The following CPT1A variants were observed in gnomAD, a reference collection of about 807,000 sequenced individuals.
CPT1A encodes carnitine palmitoyltransferase 1A.
CPT1A carries 64 observed loss-of-function variants against 100.8 expected under a neutral mutation model. The ratio of observed to expected loss-of-function variants is 0.63; its 90% CI spans 0.52 to 0.78. The LOEUF is 0.78. Ranked by LOEUF, CPT1A falls within the 30% of genes least tolerant of loss-of-function variation. The probability of loss-of-function intolerance (pLI) is 0.00; values close to 1 mark genes in which losing one functional copy is unlikely to be tolerated. For synonymous variants in CPT1A, 363 were observed against 396.0 expected (o/e 0.92, Z 0.99); for missense variants, 802 against 1,034.1 (o/e 0.78, Z 3.08).
At chr11:68,810,140 T>C (rs1029155978) in intron 3 of CPT1A, among the ~76,000 whole-genome samples, 3 of 152,018 alleles carry the variant, frequency 2.0e-5, no homozygotes, top group Admixed American at 6.5e-5. Flanking sequence ...ATCGCACCAC[T>C]GCACTCCAGC....
intron 1 of CPT1A, among the ~76,000 whole-genome samples, chr11:68,826,099 C>CA (rs959588779): frequency 3.3e-4 from 50 of 152,210 alleles, no homozygotes; most frequent in African/African-American, 1.1e-3. Flanking sequence ...GGCCCCAGAC[C>CA]AGAGTCTGAG....
chr11:68,796,180 C>A (rs999125943), intron 7 of CPT1A, among the ~76,000 whole-genome samples: 1 of 152,134 alleles, frequency 6.6e-6, no homozygotes, highest in Non-Finnish European at 1.5e-5. Flanking sequence ...AGGATCTTGG[C>A]CAACCCACTG....
At chr11:68,838,587 A>AAAAAAAAAAAAAAAAAAC (rs1394327209) in intron 1 of CPT1A, among the ~76,000 whole-genome samples, 1 of 144,394 alleles carries the variant, frequency 6.9e-6, no homozygotes, top group African/African-American at 2.7e-5. Flanking sequence ...AAAAAAAAAA[A>AAAAAAAAAAAAAAAAAAC]AAAACAGAGA....
chr11:68,765,326 A>G (rs1286513391), intron 14 of CPT1A, among the ~76,000 whole-genome samples: 1 of 152,222 alleles, frequency 6.6e-6, no homozygotes, highest in Admixed American at 6.5e-5. Context: ...TTTAAAAGAC[A>G]GCCATCTAAA....
Position 68,807,633 on chromosome 11 carries a change from C to G in CPT1A, c.287G>C (p.Cys96Ser). 1 of 1,614,018 alleles carries G rather than the reference C, an allele frequency of 6.2e-7. No individual in the cohort carries two copies. The highest frequency in any genetic ancestry group is 8.5e-7 in the Non-Finnish European group (1 of 1,180,026). ...CACGTTCTTCGTCTGGCTGGACATG[C>G]AGTTGCTGTGGAGACAGACCCAGAC... ...KINRTLETANCMSSQTKNVVS... is the reference protein window; with the variant it reads ...KINRTLETANSMSSQTKNVVS... Residue 96 changes from cysteine (C) to serine (S), a missense_variant, in exon 4 of 19, where the codon TGC (cysteine) becomes TCC (serine). By Grantham distance (112) the Cys-to-Ser change is moderately radical. Transcript: ENST00000265641.
chr11:68,839,681 GTCTAAAAGGGGC>G (rs1857114224), intron 1 of CPT1A: 1 of 985,382 alleles, frequency 1.0e-6, no homozygotes. Context: ...CCCAGGGCGC[GTCTAAAAGGGGC>G]TCACTGTGAA....
intron 15 of CPT1A, among the ~76,000 whole-genome samples, chr11:68,762,280 G>A (rs1209044655): frequency 1.3e-5 from 2 of 152,214 alleles, no homozygotes; most frequent in African/African-American, 4.8e-5. Context: ...GACAGTCACA[G>A]CTCACCTACC....
At chr11:68,782,743 T>G (rs1313335292) in intron 10 of CPT1A, among the ~76,000 whole-genome samples, 1 of 152,092 alleles carries the variant, frequency 6.6e-6, no homozygotes, top group African/African-American at 2.4e-5. Context: ...CCTTCTTCTC[T>G]CTAGGAGTGC....
intron 13 of CPT1A, 63 bp downstream of exon 13, chr11:68,775,253 G>GT: frequency 7.4e-7 from 1 of 1,350,526 alleles, no homozygotes; most frequent in Non-Finnish European, 1.1e-6. Flanking sequence ...AAATTCATCT[G>GT]TAAGACTTCA....
At chr11:68,783,124 C>T (rs1266018714) in intron 10 of CPT1A, among the ~76,000 whole-genome samples, 1 of 152,108 alleles carries the variant, frequency 6.6e-6, no homozygotes. Flanking sequence ...CCGGCTTGCC[C>T]GCACACATCC....
intron 2 of CPT1A, among the ~76,000 whole-genome samples, 156 bp downstream of exon 2, chr11:68,815,178 G>A (rs970592716): frequency 4.6e-5 from 7 of 152,318 alleles, no homozygotes; most frequent in African/African-American, 1.7e-4. Flanking sequence ...GTGAGCTAAA[G>A]TCTATGTGAC....
chr11:68,773,585 G>A (rs1265885260), intron 13 of CPT1A, 156 bp from the exon 14 acceptor site: 2 of 1,377,690 alleles, frequency 1.5e-6, no homozygotes, highest in Non-Finnish European at 2.0e-6. Flanking sequence ...TAGTAAGTTA[G>A]GGGCATGGCT....
chr11:68,794,053 A>G lies in CPT1A; in HGVS notation c.880-651T>C, dbSNP rs535860254. Among the ~76,000 whole-genome samples, 7 of 152,342 alleles carry G rather than the reference A, an allele frequency of 4.6e-5. No homozygotes were observed. In the South Asian group the frequency reaches 1.4e-3, roughly 32 times the overall value. ...CAGCTAGTATTAGTTCAAAAACATC[A>G]AGGGCTTCTCCAAAGGGCAGATTAC... On this transcript the variant is annotated intron_variant, in intron 8 of 18. Transcript: ENST00000265641.
chr11:68,779,410 G>A (rs1855236643), intron 12 of CPT1A, among the ~76,000 whole-genome samples: 1 of 150,796 alleles, frequency 6.6e-6, no homozygotes, highest in Non-Finnish European at 1.5e-5. Flanking sequence ...AACCTGACCG[G>A]TGAGTTAAGG....
At chr11:68,804,812 G>A (rs1855999454) in intron 4 of CPT1A, among the ~76,000 whole-genome samples, 1 of 152,218 alleles carries the variant, frequency 6.6e-6, no homozygotes. Flanking sequence ...CTGGCCCTGA[G>A]CCAAGCCGAG....
chr11:68,796,067 C>T, intron 7 of CPT1A, among the ~76,000 whole-genome samples: 1 of 152,148 alleles, frequency 6.6e-6, no homozygotes, highest in East Asian at 1.9e-4. Flanking sequence ...TTCTAACCAT[C>T]CATGCTTTGA....
At chr11:68,776,507 T>A (rs1024419027) in intron 12 of CPT1A, among the ~76,000 whole-genome samples, 1 of 152,206 alleles carries the variant, frequency 6.6e-6, no homozygotes, top group Non-Finnish European at 1.5e-5. Context: ...GGCACATACA[T>A]ACACACAGAA....
chr11:68,780,814 T>TTTAAACACACATGTGTGGAA, intron 11 of CPT1A, 69 bp from the exon 12 acceptor site: 1 of 1,131,308 alleles, frequency 8.8e-7, no homozygotes, highest in Non-Finnish European at 1.4e-6. Flanking sequence ...ATTGCACCTC[T>TTTAAACACACATGTGTGGAA]CTGCTTCATC....
At chr11:68,768,335 A>C (rs1854882044) in intron 14 of CPT1A, among the ~76,000 whole-genome samples, 4 of 152,016 alleles carry the variant, frequency 2.6e-5, no homozygotes, top group Admixed American at 2.6e-4. Flanking sequence ...TCAGCCTCCC[A>C]AAGTGCTGGG....
Sources: gnomAD v4.1 joint callset for allele counts (sites outside exome capture counted in the v4.1 genomes callset) on GRCh38, gnomAD v4.1.1 for gene constraint, MANE v1.5 for transcripts, NCBI Gene and HGNC (gene_info 2026-07-23, HGNC 2026-07-21) for gene names.